Variants in RPTOR observed in about 807,000 individuals in gnomAD.
RPTOR encodes the protein regulatory associated protein of MTOR complex 1.
In RPTOR, 21 loss-of-function variants were observed where a neutral mutation model predicts 169.9. That is an observed-to-expected ratio of 0.12 (90% CI 0.09 to 0.18). The LOEUF (loss-of-function observed/expected upper bound fraction) is 0.18, where lower values mean the gene tolerates loss of function less well. Among genes scored for constraint, RPTOR ranks in the 10% least tolerant of loss-of-function variants. The pLI is 1.00. For missense variants in RPTOR, 1,133 were observed against 1,855.9 expected, an observed-to-expected ratio of 0.61 and a Z score of 7.16; for synonymous variants, 732 against 753.2, an observed-to-expected ratio of 0.97 and a Z score of 0.46.
chr17:80,744,457 T>TACTAGCACTGTCCTGGC (rs2066540434), intron 5 of RPTOR, among the ~76,000 whole-genome samples: 1 of 8,234 alleles, frequency 1.2e-4, no homozygotes, highest in Admixed American at 1.8e-3. Context: ...ACTGTCCTGG[T>TACTAGCACTGTCCTGGC]TACTAGCACA....
intron 3 of RPTOR, among the ~76,000 whole-genome samples, chr17:80,684,606 G>A (rs552140769): frequency 2.0e-5 from 3 of 151,784 alleles, no homozygotes; most frequent in African/African-American, 4.8e-5. Flanking sequence ...CACCACACCC[G>A]GCTAATTTTT....
chr17:80,836,789 G>T (rs141250314), intron 9 of RPTOR, among the ~76,000 whole-genome samples: 2 of 152,320 alleles, frequency 1.3e-5, no homozygotes, highest in African/African-American at 4.8e-5. Flanking sequence ...CAGGAAAGTG[G>T]CGATGGTGGC....
intron 7 of RPTOR, among the ~76,000 whole-genome samples, chr17:80,794,512 A>G (rs2067081427): frequency 6.6e-6 from 1 of 152,242 alleles, no homozygotes; most frequent in Non-Finnish European, 1.5e-5. Context: ...TCGGTTTCTC[A>G]TAAATGTCCA....
chr17:80,546,057 A>C (rs1282063970), intron 1 of RPTOR, among the ~76,000 whole-genome samples: 1 of 152,238 alleles, frequency 6.6e-6, no homozygotes, highest in Non-Finnish European at 1.5e-5. Context: ...AAATTTGAAA[A>C]TAGAGCATTG....
intron 3 of RPTOR, among the ~76,000 whole-genome samples, chr17:80,691,257 T>C: frequency 6.6e-6 from 1 of 151,686 alleles, no homozygotes; most frequent in East Asian, 1.9e-4. Flanking sequence ...AGGTGACTAG[T>C]AAGGGGTGTG....
At chr17:80,904,261 C>T (rs1015546358) in intron 20 of RPTOR, among the ~76,000 whole-genome samples, 26 of 152,172 alleles carry the variant, frequency 1.7e-4, no homozygotes, top group African/African-American at 6.3e-4. Context: ...CGGAAGCCCT[C>T]GGCCTGGGGC....
At chr17:80,738,332 A>G (rs1443950668) in intron 5 of RPTOR, among the ~76,000 whole-genome samples, 1 of 152,232 alleles carries the variant, frequency 6.6e-6, no homozygotes, top group Admixed American at 6.5e-5. Flanking sequence ...GTGGCCGCCA[A>G]AGCTTTTGCT....
At chr17:80,550,901 A>G (rs973699105) in intron 1 of RPTOR, among the ~76,000 whole-genome samples, 13 of 151,892 alleles carry the variant, frequency 8.6e-5, no homozygotes, top group African/African-American at 2.7e-4. Context: ...TCTTTTATTT[A>G]TTTTGAAATG....
In RPTOR at chr17:80,646,030, G is replaced by A. The variant is rs932509991; in HGVS notation, c.348+2220G>A. Among the ~76,000 whole-genome samples, 12 of 152,162 alleles carry A rather than the reference G, an allele frequency of 7.9e-5. No homozygotes were observed. Among genetic ancestry groups the A allele is most frequent in the Non-Finnish European group, 1.6e-4 (11 of 68,028 alleles). ...ATGTGTTAAGATTACAGGATGCTTC[G>A]GAAAAGGTACCAGCGCAGGCGGGAT... is the stretch of plus-strand genomic sequence containing the variant. On this transcript the variant is annotated intron_variant, in intron 3 of 33. Transcript: ENST00000306801. This position sits in a 1 kb window ranked among gnomAD's most constrained non-coding sequence, Gnocchi z 5.0.
intron 13 of RPTOR, among the ~76,000 whole-genome samples, chr17:80,859,694 G>A (rs188832035): frequency 8.7e-4 from 132 of 152,354 alleles, no homozygotes; most frequent in Non-Finnish European, 1.4e-3. Context: ...CGTTCCCCCC[G>A]GACTTCGGCC....
In RPTOR at chr17:80,922,735, C is replaced by T. The variant is rs371291181; in HGVS notation, c.2532C>T (p.Asn844=). The T allele has an allele frequency of 1.7e-5, 27 of 1,586,884 alleles. No individual in the cohort carries two copies. The highest frequency in any genetic ancestry group is 3.3e-4 in the Middle Eastern group (2 of 6,062). ...LNSIAYKATV[N]ARPQRVLDTS... ...TCCTTTGCCCCTAGGCCACCGTGAA[C>T]GCCCGGCCGCAGCGCGTCCTGGACA... The change falls in exon 22 of 34, where the codon AAC becomes AAT. Residue 844 remains asparagine (N), a synonymous_variant. Coordinates refer to ENST00000306801, the MANE Select transcript of RPTOR (RefSeq NM_020761.3).
intron 21 of RPTOR, among the ~76,000 whole-genome samples, chr17:80,916,787 G>A (rs2068678767): frequency 1.3e-5 from 2 of 152,132 alleles, no homozygotes; most frequent in South Asian, 2.1e-4. Flanking sequence ...ATCACTTGAG[G>A]CCAGGAGTTC....
chr17:80,698,664 A>G (rs777387140), intron 3 of RPTOR, among the ~76,000 whole-genome samples: 11 of 152,214 alleles, frequency 7.2e-5, no homozygotes, highest in Non-Finnish European at 1.0e-4. Context: ...AGATTTCTAT[A>G]GACAAATGTG....
intron 10 of RPTOR, 128 bp from the exon 11 acceptor site, chr17:80,846,345 G>A: frequency 1.2e-6 from 1 of 859,686 alleles, no homozygotes; most frequent in Non-Finnish European, 1.8e-6. Flanking sequence ...CAGCCGCCTG[G>A]CATCCTCGCG....
Position 80,562,007 on chromosome 17 carries a change from T to C in RPTOR, c.162+16216T>C, listed in dbSNP as rs2084504776. 1.3e-5 allele frequency among the ~76,000 whole-genome samples: 2 copies of C among 152,162 alleles called. No individual in the cohort carries two copies. Among genetic ancestry groups the C allele is most frequent in the Admixed American group, 1.3e-4 (2 of 15,270 alleles). On this transcript the variant is annotated intron_variant, in intron 1 of 33. Coordinates refer to ENST00000306801, the MANE Select transcript of RPTOR (RefSeq NM_020761.3). This position sits in a 1 kb window ranked among gnomAD's most constrained non-coding sequence, Gnocchi z 4.4. ...ATGTATTTATGTGTCAGTGCATGTG[T>C]ATTTGTGAGTATATGTGTGTGTTAG...
Position 80,909,026 on chromosome 17 carries a change from G to A in RPTOR, c.2520+97G>A, listed in dbSNP as rs2068579900. 7.7e-6 allele frequency: 6 copies of A among 781,708 alleles called. No individual in the cohort carries two copies. The South Asian group carries it at 9.0e-5, about 12-fold the overall frequency. The allele number at this position is 781,708 out of a possible 1,614,324, so 48.4% of individuals were successfully genotyped here. Reference sequence around the variant, plus strand: ...CAGGTGTGCCCGGGTCCACACCACAGTTTAGAAAGTAACAAAACGAGCTTC... The same window carrying A: ...CAGGTGTGCCCGGGTCCACACCACAATTTAGAAAGTAACAAAACGAGCTTC... On this transcript the variant is annotated intron_variant, in intron 21 of 33. Transcript: ENST00000306801.
At chr17:80,618,704 C>T (rs935843536) in intron 1 of RPTOR, among the ~76,000 whole-genome samples, 3 of 152,222 alleles carry the variant, frequency 2.0e-5, no homozygotes, top group African/African-American at 7.2e-5. Flanking sequence ...GCCTCTGGCT[C>T]AAGGTAACGA....
At chr17:80,899,676 T>G (rs986625032) in intron 20 of RPTOR, among the ~76,000 whole-genome samples, 1 of 152,256 alleles carries the variant, frequency 6.6e-6, no homozygotes, top group Non-Finnish European at 1.5e-5. Context: ...ACTGCCAGTG[T>G]GGTGCAAAAG....
Position 80,960,774 on chromosome 17 carries a change from A to G in RPTOR, c.3605+569A>G, listed in dbSNP as rs550847517. 21 of 143,760 alleles carry G rather than the reference A, an allele frequency of 1.5e-4. No individual in the cohort carries two copies. The highest frequency in any genetic ancestry group is 7.4e-4 in the East Asian group (4 of 5,424). The allele number at this position is 143,760 out of a possible 1,614,324, so 8.9% of individuals were successfully genotyped here. ...GCACCCCTGTGGGCAGGTGCTGTCC[A>G]TGTCTGGCAGGGGACAGGGCACACG... On this transcript the variant is annotated intron_variant, in intron 30 of 33. Transcript: ENST00000306801. The surrounding 1 kb of genome is among the most constrained non-coding windows in gnomAD (Gnocchi z 4.8).
Sources: gnomAD v4.1 joint callset for allele counts (sites outside exome capture counted in the v4.1 genomes callset) on GRCh38, gnomAD v4.1.1 for gene constraint, Gnocchi (gnomAD v3.1) non-coding constraint, MANE v1.5 for transcripts, NCBI Gene and HGNC (gene_info 2026-07-23, HGNC 2026-07-21) for gene names.